The following PTPRD variants were observed in gnomAD, a reference collection of about 807,000 sequenced individuals.
PTPRD encodes the protein receptor-type tyrosine-protein phosphatase delta.
In PTPRD, 34 loss-of-function variants were observed where a neutral mutation model predicts 214.5. That is an observed-to-expected ratio of 0.16 (90% CI 0.12 to 0.21). The LOEUF (loss-of-function observed/expected upper bound fraction) is 0.21. Ranked by LOEUF, PTPRD falls within the 10% of genes least tolerant of loss-of-function variation. The pLI is 1.00. For missense variants in PTPRD, 2,545 were observed against 2,398.7 expected (o/e 1.06, Z -1.27); for synonymous variants, 1,128 against 845.7 (o/e 1.33, Z -5.79).
intron 11 of PTPRD, among the ~76,000 whole-genome samples, chr9:8,929,681 T>TTGTATATGTGTATATATATATGTGTATA: frequency 1.7e-5 from 2 of 119,810 alleles, no homozygotes; most frequent in Admixed American, 1.7e-4. Context: ...AGGTTTTCTT[T>TTGTATATGTGTATATATATATGTGTATA]TATATATGTG....
intron 6 of PTPRD, among the ~76,000 whole-genome samples, chr9:9,748,367 T>A (rs966453413): frequency 6.6e-6 from 1 of 152,190 alleles, no homozygotes; most frequent in African/African-American, 2.4e-5. Flanking sequence ...CATAGAAGTG[T>A]TTAATAAATT....
At chr9:9,124,708 T>G (rs559163160) in intron 10 of PTPRD, among the ~76,000 whole-genome samples, 1 of 152,328 alleles carries the variant, frequency 6.6e-6, no homozygotes, top group South Asian at 2.1e-4. Context: ...AATAATAAAG[T>G]TGAAGTCAGC....
chr9:8,500,650 G>T, intron 24 of PTPRD, 104 bp downstream of exon 24: 1 of 1,114,036 alleles, frequency 9.0e-7, no homozygotes, highest in Non-Finnish European at 1.2e-6. Flanking sequence ...GCAATGCTGG[G>T]TAAAAAGATG....
intron 3 of PTPRD, among the ~76,000 whole-genome samples, chr9:10,264,934 G>C (rs914705476): frequency 2.6e-5 from 4 of 152,144 alleles, no homozygotes; most frequent in Admixed American, 1.3e-4. Context: ...CATGAGATCT[G>C]ATGGTTTTAT....
rs781628679 is a variant in PTPRD, at chr9:9,954,297, C to CAAAA, written c.-471-15691_-471-15688dup. ...GACAGATTGAGACTCTGTCTCAAAA[C>CAAAA]AAAAAAAAAAAAAAAAAAAAAAAAA... is the stretch of plus-strand genomic sequence containing the variant. On this transcript the variant is annotated intron_variant, in intron 4 of 45. Coordinates refer to ENST00000381196, the MANE Select transcript of PTPRD (RefSeq NM_002839.4). Among the ~76,000 whole-genome samples, 34 of 53,776 alleles carry CAAAA rather than the reference C, an allele frequency of 6.3e-4. 1 individual carries two copies. Among genetic ancestry groups the CAAAA allele is most frequent in the East Asian group, 1.7e-3 (3 of 1,804 alleles). 35.3% of individuals were successfully genotyped at this position (53,776 alleles called of 152,430 possible).
intron 3 of PTPRD, among the ~76,000 whole-genome samples, chr9:10,133,806 T>C (rs145342858): frequency 4.5e-4 from 69 of 152,256 alleles, no homozygotes; most frequent in African/African-American, 1.5e-3. Context: ...ATTTGAAAAA[T>C]ACATGATCTG....
chr9:10,194,449 A>G (rs529297625), intron 3 of PTPRD, among the ~76,000 whole-genome samples: 12 of 151,228 alleles, frequency 7.9e-5, no homozygotes, highest in Admixed American at 5.3e-4. Context: ...TAGAGATTAT[A>G]TAATTATAAA....
At chr9:9,837,705 C>G (rs1048652043) in intron 5 of PTPRD, among the ~76,000 whole-genome samples, 4 of 152,096 alleles carry the variant, frequency 2.6e-5, no homozygotes, top group Non-Finnish European at 5.9e-5. Context: ...AGCATCCTAA[C>G]CAGACTGGTA....
intron 11 of PTPRD, among the ~76,000 whole-genome samples, chr9:8,906,941 C>A (rs1326598910): frequency 6.6e-6 from 1 of 152,026 alleles, no homozygotes; most frequent in Non-Finnish European, 1.5e-5. Context: ...CACTGATTGC[C>A]TGGAAAGCTG....
intron 4 of PTPRD, among the ~76,000 whole-genome samples, chr9:10,004,487 T>G (rs1048430942): frequency 6.6e-6 from 1 of 151,976 alleles, no homozygotes; most frequent in Non-Finnish European, 1.5e-5. Context: ...CATAAAAATA[T>G]GCAATCATTC....
chr9:10,059,173 T>C (rs569329034), intron 3 of PTPRD, among the ~76,000 whole-genome samples: 10 of 152,210 alleles, frequency 6.6e-5, no homozygotes, highest in African/African-American at 2.4e-4. Context: ...AAGATTATTT[T>C]AGTGCCAGCT....
At chr9:8,697,416 A>ACTTTTTTTTTTTTTTTTTTTTTTTTGTT (rs1491528595) in intron 12 of PTPRD, among the ~76,000 whole-genome samples, 2 of 74,656 alleles carry the variant, frequency 2.7e-5, no homozygotes, top group East Asian at 3.7e-4. Flanking sequence ...ATTTTTATGT[A>ACTTTTTTTTTTTTTTTTTTTTTTTTGTT]CTTTTTTTTT....
intron 11 of PTPRD, among the ~76,000 whole-genome samples, chr9:8,904,379 G>C (rs2098693110): frequency 6.6e-6 from 1 of 152,068 alleles, no homozygotes; most frequent in Admixed American, 6.6e-5. Flanking sequence ...CCAATCAAAA[G>C]TCACACATTA....
At chr9:8,575,447 T>C (rs1028163280) in intron 14 of PTPRD, among the ~76,000 whole-genome samples, 4 of 152,100 alleles carry the variant, frequency 2.6e-5, no homozygotes, top group Non-Finnish European at 4.4e-5. Flanking sequence ...AATTCATATG[T>C]GCTGGTGAAC....
chr9:9,318,877 T>C (rs1474255211), intron 9 of PTPRD, among the ~76,000 whole-genome samples: 1 of 152,202 alleles, frequency 6.6e-6, no homozygotes, highest in South Asian at 2.1e-4. Context: ...CTGCTCTTCA[T>C]CCCACCTGCA....
At chr9:9,021,756 A>T (rs1355488760) in intron 10 of PTPRD, among the ~76,000 whole-genome samples, 4 of 152,130 alleles carry the variant, frequency 2.6e-5, no homozygotes, top group African/African-American at 9.7e-5. Flanking sequence ...TTTTTAGTAA[A>T]AAAAAGTTTT....
At chr9:9,791,722 T>C (rs1330079771) in intron 5 of PTPRD, among the ~76,000 whole-genome samples, 1 of 152,162 alleles carries the variant, frequency 6.6e-6, no homozygotes, top group Non-Finnish European at 1.5e-5. Flanking sequence ...GTCTTTCCTT[T>C]TAATTATGTT....
intron 2 of PTPRD, among the ~76,000 whole-genome samples, chr9:10,436,194 G>T (rs2098715960): frequency 1.3e-5 from 2 of 151,774 alleles, no homozygotes; most frequent in Non-Finnish European, 1.5e-5. Flanking sequence ...TTCTTGAAAA[G>T]ACAGTGTTTA....
intron 3 of PTPRD, among the ~76,000 whole-genome samples, chr9:10,172,602 C>T (rs903946740): frequency 4.6e-5 from 7 of 152,130 alleles, no homozygotes; most frequent in African/African-American, 1.4e-4. Context: ...GCTGGTTAAC[C>T]TATTCATAGC....
Sources: gnomAD v4.1 joint callset for allele counts (sites outside exome capture counted in the v4.1 genomes callset) on GRCh38, gnomAD v4.1.1 for gene constraint, MANE v1.5 for transcripts, NCBI Gene and HGNC (gene_info 2026-07-23, HGNC 2026-07-21) for gene names.